ANKRD13C: variants seen among roughly 807,000 people sequenced by gnomAD.
The protein encoded by ANKRD13C is ankyrin repeat domain-containing protein 13C.
Under a neutral mutation model 65.5 loss-of-function variants are expected in ANKRD13C, and 16 were observed. The ratio of observed to expected loss-of-function variants is 0.24; its 90% CI spans 0.17 to 0.37. ANKRD13C has a LOEUF of 0.37. ANKRD13C is among the 10% of genes least tolerant of loss of function. The pLI, the probability that ANKRD13C is intolerant of heterozygous loss-of-function variation, is 1.00. For missense variants in ANKRD13C, 503 were observed against 655.9 expected (o/e 0.77, Z 2.55); for synonymous variants, 235 against 238.7 (o/e 0.98, Z 0.14).
chr1:70,311,829 T>G (rs144740286), intron 5 of ANKRD13C, among the ~76,000 whole-genome samples: 2 of 152,298 alleles, frequency 1.3e-5, no homozygotes, highest in East Asian at 3.9e-4. Flanking sequence ...TTTTTAGAAA[T>G]GTATACAGAT....
In ANKRD13C at chr1:70,262,589, A is replaced by T; in HGVS notation, c.*128T>A. On this transcript the variant is annotated 3_prime_UTR_variant, in exon 13 of 13. Transcript: ENST00000370944. Reference sequence around the variant, plus strand: ...GAGGCCCATTTCACTGTATCGTATTACTGATGTGTCGATTCAATGTGTAAT... The same window carrying T: ...GAGGCCCATTTCACTGTATCGTATTTCTGATGTGTCGATTCAATGTGTAAT... 9.5e-7 allele frequency: 1 copy of T among 1,055,564 alleles called. No individual in the cohort carries two copies. The highest frequency in any genetic ancestry group is 1.3e-6 in the Non-Finnish European group (1 of 748,290). The allele number at this position is 1,055,564 out of a possible 1,614,324, so 65.4% of individuals were successfully genotyped here.
intron 12 of ANKRD13C, among the ~76,000 whole-genome samples, chr1:70,267,131 T>A (rs575827757): frequency 6.6e-6 from 1 of 152,346 alleles, no homozygotes; most frequent in Admixed American, 6.5e-5. Flanking sequence ...ACATTTAGAA[T>A]GGTCACATCT....
chr1:70,297,826 T>A, intron 7 of ANKRD13C, among the ~76,000 whole-genome samples: 1 of 147,360 alleles, frequency 6.8e-6, no homozygotes, highest in African/African-American at 2.5e-5. Flanking sequence ...GGCAGGAGAA[T>A]CACTTGAACC....
intron 6 of ANKRD13C, among the ~76,000 whole-genome samples, chr1:70,302,725 CAAAAAAAAAAAAAAAAA>C (rs11359618): frequency 6.2e-5 from 2 of 32,164 alleles, no homozygotes; most frequent in Non-Finnish European, 9.1e-5. Flanking sequence ...GACTCCGTCT[CAAAAAAAAAAAAAAAAA>C]AAAAAAAAAA....
At chr1:70,346,020 C>A (rs1351974209) in intron 1 of ANKRD13C, among the ~76,000 whole-genome samples, 1 of 151,766 alleles carries the variant, frequency 6.6e-6, no homozygotes, top group African/African-American at 2.4e-5. Context: ...TTAATAGAGA[C>A]AGGGTCTCAC....
At chr1:70,325,766 C>A (rs549681490) in intron 2 of ANKRD13C, among the ~76,000 whole-genome samples, 1 of 152,082 alleles carries the variant, frequency 6.6e-6, no homozygotes, top group African/African-American at 2.4e-5. Flanking sequence ...GTAGTCCCAG[C>A]TAAATGGGAG....
At chr1:70,275,958 T>G (rs1679113484) in intron 10 of ANKRD13C, among the ~76,000 whole-genome samples, 1 of 99,984 alleles carries the variant, frequency 1.0e-5, no homozygotes, top group African/African-American at 4.7e-5. Flanking sequence ...CAAGACTCCA[T>G]CTCAAAAAAA....
chr1:70,261,860 T>A lies in ANKRD13C; in HGVS notation c.*857A>T, dbSNP rs1263010169. On this transcript the variant is annotated 3_prime_UTR_variant, in exon 13 of 13. Coordinates refer to ENST00000370944, the MANE Select transcript of ANKRD13C (RefSeq NM_030816.5). ...GGAAGCAAGTTTAAAAATTTGGATT[T>A]TTTTTTAAAGTGCTGAGATTTGGAA... 6.6e-6 allele frequency: 1 copy of A among 152,504 alleles called. No homozygotes were observed. The highest frequency in any genetic ancestry group is 1.5e-5 in the Non-Finnish European group (1 of 67,952). 9.4% of individuals were successfully genotyped at this position (152,504 alleles called of 1,614,324 possible).
chr1:70,323,423 T>C (rs1269371058), intron 3 of ANKRD13C, among the ~76,000 whole-genome samples: 2 of 152,030 alleles, frequency 1.3e-5, no homozygotes, highest in African/African-American at 4.8e-5. Flanking sequence ...GGTGGGCGGA[T>C]CACGTGGTCA....
At chr1:70,308,322 A>G (rs973745251) in intron 5 of ANKRD13C, among the ~76,000 whole-genome samples, 1 of 152,160 alleles carries the variant, frequency 6.6e-6, no homozygotes, top group Non-Finnish European at 1.5e-5. Context: ...AAGTAATTAT[A>G]ACACCCTACA....
chr1:70,343,549 T>A lies in ANKRD13C; in HGVS notation c.431-7450A>T, dbSNP rs1048791554. Among the ~76,000 whole-genome samples the A allele has an allele frequency of 1.1e-4, 16 of 152,300 alleles. No homozygotes were observed. The East Asian group carries it at 2.9e-3, about 28-fold the overall frequency. Reference sequence around the variant, plus strand: ...CAGTAATATTAAGACCACTTTAGCTTTTAGGTAGGTTTGTTTGTTTGTGAC... The same window carrying A: ...CAGTAATATTAAGACCACTTTAGCTATTAGGTAGGTTTGTTTGTTTGTGAC... On this transcript the variant is annotated intron_variant, in intron 1 of 12. Coordinates refer to ENST00000370944, the MANE Select transcript of ANKRD13C (RefSeq NM_030816.5).
intron 1 of ANKRD13C, among the ~76,000 whole-genome samples, chr1:70,352,893 T>G (rs12036256): frequency 0.15 from 22,741 of 152,214 alleles, 2,026 homozygotes; most frequent in East Asian, 0.33. Context: ...AGTTGTTAGA[T>G]AATTATACAG....
chr1:70,311,370 G>A (rs1056399446), intron 5 of ANKRD13C, among the ~76,000 whole-genome samples: 1 of 152,274 alleles, frequency 6.6e-6, no homozygotes, highest in African/African-American at 2.4e-5. Flanking sequence ...AGCTACTCGG[G>A]AGGCTGAGGT....
intron 2 of ANKRD13C, among the ~76,000 whole-genome samples, chr1:70,325,311 T>C (rs1681486645): frequency 6.6e-6 from 1 of 152,220 alleles, no homozygotes; most frequent in African/African-American, 2.4e-5. Context: ...TATCAGCTAG[T>C]AAGACCCAAA....
intron 3 of ANKRD13C, among the ~76,000 whole-genome samples, chr1:70,322,261 C>T (rs1434777321): frequency 1.3e-5 from 2 of 152,102 alleles, no homozygotes; most frequent in Non-Finnish European, 2.9e-5. Context: ...AAAATAAGTA[C>T]AGACATATGT....
At chr1:70,345,616 G>A (rs746794527) in intron 1 of ANKRD13C, among the ~76,000 whole-genome samples, 1 of 152,100 alleles carries the variant, frequency 6.6e-6, no homozygotes, top group South Asian at 2.1e-4. Flanking sequence ...ATCTTCAAAT[G>A]TTGACATATT....
intron 12 of ANKRD13C, among the ~76,000 whole-genome samples, chr1:70,268,352 G>C (rs922381082): frequency 6.6e-6 from 1 of 152,136 alleles, no homozygotes; most frequent in African/African-American, 2.4e-5. Context: ...AGTAGAGACA[G>C]AGTTTCACCA....
intron 1 of ANKRD13C, among the ~76,000 whole-genome samples, chr1:70,348,208 T>C (rs1304812359): frequency 6.6e-6 from 1 of 151,948 alleles, no homozygotes; most frequent in South Asian, 2.1e-4. Flanking sequence ...ACGAGATTTA[T>C]ACAGAATAAA....
chr1:70,309,896 T>C (rs1271234623), intron 5 of ANKRD13C, among the ~76,000 whole-genome samples: 2 of 152,066 alleles, frequency 1.3e-5, no homozygotes, highest in Non-Finnish European at 2.9e-5. Flanking sequence ...TGATACTTTA[T>C]AGTATACAAA....
Sources: allele counts gnomAD v4.1 joint callset (sites outside exome capture counted in the v4.1 genomes callset), GRCh38; gene constraint gnomAD v4.1.1; transcripts MANE v1.5; gene names NCBI Gene and HGNC (gene_info 2026-07-23, HGNC 2026-07-21).